The following RIPK1 variants were observed in gnomAD, a reference collection of about 807,000 sequenced individuals.
The protein encoded by RIPK1 is receptor interacting serine/threonine kinase 1, also known as receptor-interacting serine/threonine-protein kinase 1.
A neutral mutation model predicts 62.4 loss-of-function variants in RIPK1; 27 were observed. That is an observed-to-expected ratio of 0.43 (90% CI 0.32 to 0.60). The LOEUF is 0.60. Among genes scored for constraint, RIPK1 ranks in the 20% least tolerant of loss-of-function variants. The probability of loss-of-function intolerance (pLI) is 0.07; values close to 1 mark genes in which losing one functional copy is unlikely to be tolerated. For missense variants in RIPK1, 735 were observed against 831.0 expected (o/e 0.88, Z 1.42); for synonymous variants, 287 against 303.2 (o/e 0.95, Z 0.55).
chr6:3,107,025 T>C (rs1308089892), intron 9 of RIPK1, among the ~76,000 whole-genome samples: 1 of 149,318 alleles, frequency 6.7e-6, no homozygotes, highest in East Asian at 2.0e-4. Context: ...CTGAGGTGAG[T>C]GGATCACTTG....
At chr6:3,073,958 TCTGA>T in intron 1 of RIPK1, among the ~76,000 whole-genome samples, 1 of 152,374 alleles carries the variant, frequency 6.6e-6, no homozygotes, top group Non-Finnish European at 1.5e-5. Flanking sequence ...TCCGTCATTG[TCTGA>T]CTTTTTGATG....
chr6:3,093,985 A>ACCTGCCGCACCTAGTAACTGCAGC (rs1760118515), intron 7 of RIPK1, among the ~76,000 whole-genome samples: 275 of 49,100 alleles, frequency 5.6e-3, no homozygotes, highest in Admixed American at 9.0e-3. Context: ...GTAACTGCAG[A>ACCTGCCGCACCTAGTAACTGCAGC]GCGCCTACCT....
At position 3,072,688 on chromosome 6, in the gene RIPK1, AC is replaced by A. The variant is rs1293031861; in HGVS notation, c.-61+4029del. ...TAATTCTCAATTACAGTACTGTCTT[AC>A]CTATGGAAGTGTCTAATGGGAAGAC... On this transcript the variant is annotated intron_variant, in intron 1 of 10. Transcript: ENST00000259808. The surrounding 1 kb of genome is among the most constrained non-coding windows in gnomAD (Gnocchi z 5.6). 2.6e-5 allele frequency among the ~76,000 whole-genome samples: 4 copies of A among 152,192 alleles called. No homozygotes were observed. The East Asian group carries it at 7.7e-4, about 29-fold the overall frequency.
chr6:3,068,474 G>A, upstream of RIPK1: 1 of 985,330 alleles, frequency 1.0e-6, no homozygotes, highest in Non-Finnish European at 1.2e-6. Context: ...GCCGGGGCAG[G>A]GGGAGGAGGC....
intron 7 of RIPK1, among the ~76,000 whole-genome samples, 162 bp downstream of exon 7, chr6:3,089,819 C>T (rs1759931318): frequency 6.6e-6 from 1 of 152,204 alleles, no homozygotes; most frequent in African/African-American, 2.4e-5. Context: ...ATCCTGTTGG[C>T]ATACTGGACC....
chr6:3,068,299 T>C, upstream of RIPK1: 1 of 985,500 alleles, frequency 1.0e-6, no homozygotes, highest in African/African-American at 1.7e-5. Context: ...CTCCCTCTCG[T>C]GCGCGCGGAG....
chr6:3,098,688 G>A (rs1460707806), intron 7 of RIPK1, among the ~76,000 whole-genome samples: 1 of 152,224 alleles, frequency 6.6e-6, no homozygotes, highest in African/African-American at 2.4e-5. Context: ...TCAGAACAGT[G>A]TAGACTACAG....
intron 9 of RIPK1, among the ~76,000 whole-genome samples, chr6:3,110,471 G>A (rs957264942): frequency 2.6e-5 from 4 of 152,002 alleles, no homozygotes; most frequent in Non-Finnish European, 5.9e-5. Flanking sequence ...GCCTCCCAAA[G>A]TGCTGGGATT....
chr6:3,090,085 G>T (rs902098061), intron 7 of RIPK1, among the ~76,000 whole-genome samples: 2 of 152,236 alleles, frequency 1.3e-5, no homozygotes, highest in African/African-American at 4.8e-5. Flanking sequence ...CAACAGCACA[G>T]TCACCTGGGA....
rs561115645 is a variant in RIPK1 at position 3,105,521 on chromosome 6, T to C, written c.1046T>C (p.Leu349Pro). 48 of 1,586,470 alleles carry C rather than the reference T, an allele frequency of 3.0e-5. No individual in the cohort carries two copies. The South Asian group carries it at 5.0e-4, about 17-fold the overall frequency. ...QPGSLHSSQG[L>P]GMGPVEESWF... ...GGTTCACTGCACAGTTCCCAGGGACTTGGGATGGGTCCTGTGGAGGAGTCC... is the reference window on the plus strand; with the variant it reads ...GGTTCACTGCACAGTTCCCAGGGACCTGGGATGGGTCCTGTGGAGGAGTCC... The change falls in exon 9 of 11, where the codon CTT becomes CCT. Residue 349 changes from leucine to proline, a missense_variant. By Grantham distance (98) the Leu-to-Pro change is moderately conservative. This residue lies in a region of RIPK1 where 671 missense variants were observed against 726.2 expected (regional missense o/e 0.92). Coordinates refer to ENST00000259808, the MANE Select transcript of RIPK1 (RefSeq NM_001354930.2). This position sits in a 1 kb window ranked among gnomAD's most constrained non-coding sequence, Gnocchi z 4.5.
At chr6:3,099,684 A>G (rs1189373990) in intron 7 of RIPK1, among the ~76,000 whole-genome samples, 2 of 152,254 alleles carry the variant, frequency 1.3e-5, no homozygotes, top group African/African-American at 4.8e-5. Flanking sequence ...ACCCGTTACA[A>G]TTTTTCATCC....
chr6:3,096,470 C>A (rs1760300258), intron 7 of RIPK1, among the ~76,000 whole-genome samples: 1 of 150,796 alleles, frequency 6.6e-6, no homozygotes, highest in Admixed American at 6.6e-5. Flanking sequence ...CTTTGTGATT[C>A]GGAAGTCACC....
intron 9 of RIPK1, among the ~76,000 whole-genome samples, chr6:3,109,539 C>G (rs2113711195): frequency 6.6e-6 from 1 of 152,294 alleles, no homozygotes. Flanking sequence ...AGATGCTGTT[C>G]AGAGTCGTGG....
intron 9 of RIPK1, among the ~76,000 whole-genome samples, chr6:3,107,187 C>T (rs1205132261): frequency 2.7e-5 from 4 of 149,708 alleles, no homozygotes; most frequent in Admixed American, 1.3e-4. Flanking sequence ...TGGAGACAGA[C>T]GTTGCAGTGA....
rs772417899 is a variant in RIPK1 at position 3,077,904 on chromosome 6, A to G, written c.290A>G (p.Lys97Arg). 6.7e-5 allele frequency: 108 copies of G among 1,614,066 alleles called. No homozygotes were observed. The East Asian group carries it at 2.4e-3, about 36-fold the overall frequency. ...KYSLVMEYME[K>R]GNLMHVLKAE... ...TCCCTGGTGATGGAGTACATGGAGAAGGGCAACCTGATGCACGTGCTGAAA... is the reference window on the plus strand; with the variant it reads ...TCCCTGGTGATGGAGTACATGGAGAGGGGCAACCTGATGCACGTGCTGAAA... Residue 97 changes from lysine (K) to arginine (R), a missense_variant, in exon 3 of 11, where the codon AAG (lysine) becomes AGG (arginine). Around this residue, in one of 2 missense-constraint regions of RIPK1, gnomAD observed 671 missense variants for 726.2 expected, o/e 0.92. Transcript: ENST00000259808.
chr6:3,065,325 C>T (rs1379576701), upstream of RIPK1, among the ~76,000 whole-genome samples: 2 of 137,954 alleles, frequency 1.4e-5, no homozygotes, highest in African/African-American at 5.4e-5. Context: ...GCGGCTGTGG[C>T]GGGGGTGGCT....
chr6:3,113,024 G>C lies in RIPK1; in HGVS notation c.1730-29G>C. 1 of 1,512,542 alleles carries C rather than the reference G, an allele frequency of 6.6e-7. No homozygotes were observed. The highest frequency in any genetic ancestry group is 8.8e-7 in the Non-Finnish European group (1 of 1,130,066). The allele number at this position is 1,512,542 out of a possible 1,614,324, so 93.7% of individuals were successfully genotyped here. A position where few individuals can be genotyped will look rare whatever the true frequency, so the allele number is the denominator to read the frequency against. On this transcript the variant is annotated intron_variant, in intron 10 of 10. Coordinates refer to ENST00000259808, the MANE Select transcript of RIPK1 (RefSeq NM_001354930.2). This position sits in a 1 kb window ranked among gnomAD's most constrained non-coding sequence, Gnocchi z 5.0. ...GGAATGTTTGAATGGGTTTTAGCTTGATACCTTCTTCTTTTTCCCATTTGG... is the reference window on the plus strand; with the variant it reads ...GGAATGTTTGAATGGGTTTTAGCTTCATACCTTCTTCTTTTTCCCATTTGG...
chr6:3,074,348 C>T (rs561549271), intron 1 of RIPK1, among the ~76,000 whole-genome samples: 10 of 152,278 alleles, frequency 6.6e-5, no homozygotes, highest in South Asian at 6.2e-4. Context: ...TTCGTTCATG[C>T]GGTTTTCATT....
chr6:3,067,034 T>C (rs1758408001), upstream of RIPK1, among the ~76,000 whole-genome samples: 1 of 147,330 alleles, frequency 6.8e-6, no homozygotes, highest in Admixed American at 6.8e-5. Flanking sequence ...GATTTATACA[T>C]TTAGGATTGC....
Sources: gnomAD v4.1 joint callset for allele counts (sites outside exome capture counted in the v4.1 genomes callset) on GRCh38, gnomAD v4.1.1 for gene constraint, gnomAD v4.1.1 regional missense constraint, Gnocchi (gnomAD v3.1) non-coding constraint, MANE v1.5 for transcripts, NCBI Gene and HGNC (gene_info 2026-07-23, HGNC 2026-07-21) for gene names.